Variants in PDZRN4 observed in about 807,000 individuals in gnomAD.
PDZRN4 encodes the protein PDZ domain-containing RING finger protein 4.
Under a neutral mutation model 99.0 loss-of-function variants are expected in PDZRN4, and 70 were observed. That is an observed-to-expected ratio of 0.71 (90% CI 0.58 to 0.86). The LOEUF (loss-of-function observed/expected upper bound fraction) is 0.86. Among genes scored for constraint, PDZRN4 ranks in the 40% least tolerant of loss-of-function variants. The pLI is 0.00. For missense variants in PDZRN4, 1,474 were observed against 1,331.2 expected (o/e 1.11, Z -1.67); for synonymous variants, 551 against 501.6 (o/e 1.10, Z -1.32).
At chr12:41,505,753 T>A (rs1360579601) in intron 3 of PDZRN4, among the ~76,000 whole-genome samples, 1 of 150,602 alleles carries the variant, frequency 6.6e-6, no homozygotes, top group East Asian at 2.3e-4. Context: ...CAAGTGAGTA[T>A]CTAGAGGGAC....
Position 41,552,601 on chromosome 12 carries a change from C to T in PDZRN4, c.1204-55C>T, listed in dbSNP as rs1391220049. The stretch of plus-strand genomic sequence containing the variant: ...AAAGAATATCAGTGAGTTCTCCATT[C>T]TGTTGCAGATTTTCTCTCTGACATA... On this transcript the variant is annotated intron_variant, in intron 5 of 9. Transcript: ENST00000402685. 3 of 1,336,246 alleles carry T rather than the reference C, an allele frequency of 2.2e-6. No individual in the cohort carries two copies. In the East Asian group the frequency reaches 6.9e-5, roughly 31 times the overall value. 82.8% of individuals were successfully genotyped at this position (1,336,246 alleles called of 1,614,324 possible). A position where few individuals can be genotyped will look rare whatever the true frequency, so the allele number is the denominator to read the frequency against.
chr12:41,488,560 T>C (rs1175528633), intron 3 of PDZRN4, among the ~76,000 whole-genome samples: 1 of 152,142 alleles, frequency 6.6e-6, no homozygotes, highest in African/African-American at 2.4e-5. Context: ...ATCTCATTAA[T>C]GGCAGCTCAA....
At chr12:41,210,731 G>A (rs549543991) in intron 3 of PDZRN4, among the ~76,000 whole-genome samples, 1 of 152,052 alleles carries the variant, frequency 6.6e-6, no homozygotes, top group East Asian at 1.9e-4. Context: ...CTTACCTAGA[G>A]TCCAAAATAT....
intron 3 of PDZRN4, among the ~76,000 whole-genome samples, chr12:41,239,776 C>T (rs1429110523): frequency 6.6e-6 from 1 of 152,060 alleles, no homozygotes; most frequent in Non-Finnish European, 1.5e-5. Flanking sequence ...GCATATATAC[C>T]GGAGATGCTA....
At chr12:41,248,271 A>G (rs773247460) in intron 3 of PDZRN4, among the ~76,000 whole-genome samples, 2 of 152,340 alleles carry the variant, frequency 1.3e-5, no homozygotes, top group South Asian at 2.1e-4. Context: ...GATGAAGCTT[A>G]CAAACCTAAA....
At chr12:41,191,580 T>G (rs1385230082) in intron 2 of PDZRN4, 36 bp downstream of exon 2, 6 of 939,954 alleles carry the variant, frequency 6.4e-6, no homozygotes, top group African/African-American at 1.6e-5. Flanking sequence ...TCGTTACTTA[T>G]AAAATAAGCA....
At chr12:41,255,599 A>G (rs1455558459) in intron 3 of PDZRN4, among the ~76,000 whole-genome samples, 2 of 152,156 alleles carry the variant, frequency 1.3e-5, no homozygotes. Flanking sequence ...CCTGAAGTGT[A>G]TGTACAAAGG....
intron 3 of PDZRN4, among the ~76,000 whole-genome samples, chr12:41,395,297 T>C (rs1952238869): frequency 6.6e-6 from 1 of 152,134 alleles, no homozygotes. Flanking sequence ...GTATGACAGG[T>C]ATATTGTAAT....
intron 3 of PDZRN4, among the ~76,000 whole-genome samples, chr12:41,254,271 A>C (rs1410307773): frequency 6.6e-6 from 1 of 152,156 alleles, no homozygotes; most frequent in Non-Finnish European, 1.5e-5. Context: ...AAGATATTAC[A>C]CTAAACACTT....
intron 3 of PDZRN4, among the ~76,000 whole-genome samples, chr12:41,219,595 T>A (rs1950940920): frequency 6.6e-6 from 1 of 151,934 alleles, no homozygotes; most frequent in African/African-American, 2.4e-5. Context: ...AAGAAATATG[T>A]GAGGTGAGGT....
At chr12:41,395,183 A>ATAGATCCT (rs1952238078) in intron 3 of PDZRN4, among the ~76,000 whole-genome samples, 1 of 152,188 alleles carries the variant, frequency 6.6e-6, no homozygotes, top group Non-Finnish European at 1.5e-5. Context: ...CTCTTCTGCT[A>ATAGATCCT]TAGATCCTTA....
At chr12:41,423,366 A>T (rs888055451) in intron 3 of PDZRN4, among the ~76,000 whole-genome samples, 2 of 151,566 alleles carry the variant, frequency 1.3e-5, no homozygotes, top group Non-Finnish European at 2.9e-5. Context: ...TCATTGTTTA[A>T]CTCCCACTGA....
intron 5 of PDZRN4, among the ~76,000 whole-genome samples, chr12:41,533,767 A>G (rs1274105862): frequency 2.0e-5 from 3 of 152,004 alleles, no homozygotes; most frequent in African/African-American, 4.8e-5. Context: ...GTCATTTTCT[A>G]TCTTTTGTTC....
chr12:41,321,938 C>T (rs554273179), intron 3 of PDZRN4, among the ~76,000 whole-genome samples: 5 of 152,142 alleles, frequency 3.3e-5, no homozygotes, highest in South Asian at 2.1e-4. Context: ...ATCAAACTAC[C>T]TCTCCACCCA....
chr12:41,359,154 G>A (rs1235027332), intron 3 of PDZRN4, among the ~76,000 whole-genome samples: 1 of 151,788 alleles, frequency 6.6e-6, no homozygotes, highest in African/African-American at 2.4e-5. Context: ...TTCTTCAAAG[G>A]CATTTTCAAT....
chr12:41,416,538 AG>A (rs376532094), intron 3 of PDZRN4, among the ~76,000 whole-genome samples: 311 of 152,160 alleles, frequency 2.0e-3, no homozygotes, highest in Middle Eastern at 3.4e-3. Flanking sequence ...AATCCTATTC[AG>A]GAGGCTACTC....
intron 5 of PDZRN4, among the ~76,000 whole-genome samples, chr12:41,526,904 GCTAT>G (rs1399043386): frequency 6.6e-6 from 1 of 152,096 alleles, no homozygotes; most frequent in Non-Finnish European, 1.5e-5. Flanking sequence ...TTTCCTTTCA[GCTAT>G]CTGAAAGCCA....
At chr12:41,391,204 T>C (rs1156885700) in intron 3 of PDZRN4, among the ~76,000 whole-genome samples, 1 of 152,060 alleles carries the variant, frequency 6.6e-6, no homozygotes, top group Non-Finnish European at 1.5e-5. Flanking sequence ...CTGAAGAAGG[T>C]TAGGGATGGA....
intron 3 of PDZRN4, among the ~76,000 whole-genome samples, chr12:41,392,982 T>C (rs753653296): frequency 1.4e-4 from 21 of 152,216 alleles, no homozygotes; most frequent in Non-Finnish European, 1.8e-4. Context: ...GGAAGATTTA[T>C]TGGGTACCTG....
Sources: gnomAD v4.1 joint callset for allele counts (sites outside exome capture counted in the v4.1 genomes callset) on GRCh38, gnomAD v4.1.1 for gene constraint, MANE v1.5 for transcripts, NCBI Gene and HGNC (gene_info 2026-07-23, HGNC 2026-07-21) for gene names.